Variants in CCNT1 observed in about 807,000 individuals in gnomAD.
CCNT1 encodes the protein cyclin T1.
CCNT1 carries 18 observed loss-of-function variants against 67.3 expected under a neutral mutation model. That is an observed-to-expected ratio of 0.27 (90% CI 0.18 to 0.40). The LOEUF (loss-of-function observed/expected upper bound fraction) is 0.40, where lower values mean the gene tolerates loss of function less well. Among genes scored for constraint, CCNT1 ranks in the 10% least tolerant of loss-of-function variants. The pLI, the probability that CCNT1 is intolerant of heterozygous loss-of-function variation, is 1.00. For synonymous variants in CCNT1, 333 were observed against 310.3 expected, an observed-to-expected ratio of 1.07 and a Z score of -0.77; for missense variants, 744 against 884.9, an observed-to-expected ratio of 0.84 and a Z score of 2.02.
intron 3 of CCNT1, among the ~76,000 whole-genome samples, chr12:48,701,287 G>A (rs935916512): frequency 9.6e-5 from 13 of 135,582 alleles, no homozygotes; most frequent in African/African-American, 3.6e-4. Flanking sequence ...GTGCAGTGGT[G>A]TGATCTCGAC....
At chr12:48,694,888 A>T (rs1461470337) in intron 8 of CCNT1, among the ~76,000 whole-genome samples, 1 of 152,170 alleles carries the variant, frequency 6.6e-6, no homozygotes, top group Non-Finnish European at 1.5e-5. Flanking sequence ...GCAGTGGCAC[A>T]ATCTCGGCTC....
At chr12:48,702,504 G>T (rs546193814) in intron 3 of CCNT1, among the ~76,000 whole-genome samples, 32 of 152,332 alleles carry the variant, frequency 2.1e-4, no homozygotes, top group Admixed American at 2.1e-3. Context: ...TAAAGAATGG[G>T]CCGGGTGCGG....
chr12:48,714,322 G>A (rs1940501388), intron 2 of CCNT1, 121 bp downstream of exon 2: 2 of 637,186 alleles, frequency 3.1e-6, no homozygotes, highest in East Asian at 2.9e-5. Context: ...CATAATGGAA[G>A]TGATCAACCC....
chr12:48,694,040 A>T lies in CCNT1; in HGVS notation c.1174T>A (p.Tyr392Asn). 6.2e-7 allele frequency: 1 copy of T among 1,614,162 alleles called. No homozygotes were observed. Among genetic ancestry groups the T allele is most frequent in the Non-Finnish European group, 8.5e-7 (1 of 1,180,028 alleles). ...VPSAKVSLKE[Y>N]RAKHAEELAA... Reference sequence around the variant, plus strand: ...AATTCTTCTGCATGCTTCGCGCGGTATTCTTTCAGTGACACTTTAGCTGAT... The same window carrying T: ...AATTCTTCTGCATGCTTCGCGCGGTTTTCTTTCAGTGACACTTTAGCTGAT... Residue 392 changes from tyrosine (Y) to asparagine (N), a missense_variant, in exon 9 of 9, where the codon TAC becomes AAC. This residue lies in a region of CCNT1 where 564 missense variants were observed against 574.2 expected (regional missense o/e 0.98). Coordinates refer to ENST00000261900, the MANE Select transcript of CCNT1 (RefSeq NM_001240.4).
At position 48,704,534 on chromosome 12, in the gene CCNT1, G is replaced by C. The variant is rs191231330; in HGVS notation, c.372+1234C>G. 2.6e-3 allele frequency among the ~76,000 whole-genome samples: 399 copies of C among 152,248 alleles called. 2 individuals carry two copies. Among genetic ancestry groups the C allele is most frequent in the African/African-American group, 9.0e-3 (374 of 41,538 alleles). ...CAGGAAAAGCACCTCAAGGTGGCCG[G>C]GCACAGTGGCTCATGCCTGTAATCC... On this transcript the variant is annotated intron_variant, in intron 3 of 8. Transcript: ENST00000261900.
At chr12:48,710,545 A>C (rs7964546) in intron 2 of CCNT1, among the ~76,000 whole-genome samples, 89,550 of 151,980 alleles carry the variant, frequency 0.59, 26,677 homozygotes, top group East Asian at 0.77. Context: ...ACTTTGGGAG[A>C]CTGAGGTGGG....
In CCNT1 at chr12:48,689,959, A is replaced by C. The variant is rs1252003973; in HGVS notation, c.*3074T>G. ...AATAATACTGAACTATGTAGTATAC[A>C]CTAAATCAAAACACTAAAATCATTT... On this transcript the variant is annotated 3_prime_UTR_variant, in exon 9 of 9. Coordinates refer to ENST00000261900, the MANE Select transcript of CCNT1 (RefSeq NM_001240.4). The C allele has an allele frequency of 6.6e-6, 1 of 152,264 alleles. No individual in the cohort carries two copies. Among genetic ancestry groups the C allele is most frequent in the African/African-American group, 2.4e-5 (1 of 41,474 alleles). 9.4% of individuals were successfully genotyped at this position (152,264 alleles called of 1,614,324 possible).
Position 48,694,029 on chromosome 12 carries a change from C to T in CCNT1, c.1185G>A (p.Lys395=), listed in dbSNP as rs1224783821. The T allele has an allele frequency of 6.2e-7, 1 of 1,614,088 alleles. No homozygotes were observed. The highest frequency in any genetic ancestry group is 8.5e-7 in the Non-Finnish European group (1 of 1,180,036). The change falls in exon 9 of 9, where the codon AAG becomes AAA. Residue 395 remains lysine, a synonymous_variant. Transcript: ENST00000261900. ...TCTGGGCAGCCAATTCTTCTGCATGCTTCGCGCGGTATTCTTTCAGTGACA... is the reference window on the plus strand; with the variant it reads ...TCTGGGCAGCCAATTCTTCTGCATGTTTCGCGCGGTATTCTTTCAGTGACA... ...AKVSLKEYRA[K]HAEELAAQKR...
chr12:48,700,883 C>G, intron 4 of CCNT1, 130 bp downstream of exon 4: 1 of 569,678 alleles, frequency 1.8e-6, no homozygotes, highest in East Asian at 3.0e-5. Flanking sequence ...TCTACAACCT[C>G]TATCATCTGG....
At chr12:48,705,283 TG>T (rs1940337685) in intron 3 of CCNT1, among the ~76,000 whole-genome samples, 1 of 144,654 alleles carries the variant, frequency 6.9e-6, no homozygotes, top group African/African-American at 2.5e-5. Flanking sequence ...AGTTGTTTTT[TG>T]TTGTTGTTGT....
At chr12:48,696,827 T>C (rs931054517) in intron 6 of CCNT1, among the ~76,000 whole-genome samples, 1 of 152,200 alleles carries the variant, frequency 6.6e-6, no homozygotes, top group African/African-American at 2.4e-5. Flanking sequence ...ATACAAGTTA[T>C]GTACTAATCA....
intron 2 of CCNT1, 127 bp from the exon 3 acceptor site, chr12:48,706,023 C>A: frequency 1.3e-6 from 1 of 776,786 alleles, no homozygotes; most frequent in Non-Finnish European, 2.0e-6. Flanking sequence ...CCTCTTTACC[C>A]TTTCCCGCCC....
chr12:48,710,764 TAAGA>T (rs1565621180), intron 2 of CCNT1, among the ~76,000 whole-genome samples: 2 of 152,188 alleles, frequency 1.3e-5, no homozygotes, highest in African/African-American at 4.8e-5. Flanking sequence ...GCTTAACAGA[TAAGA>T]AATAAAAAGA....
intron 3 of CCNT1, 58 bp downstream of exon 3, chr12:48,705,710 G>C (rs1303934719): frequency 1.5e-5 from 21 of 1,424,016 alleles, no homozygotes; most frequent in Non-Finnish European, 1.8e-5. Context: ...CTTGGGAGTA[G>C]GGAAAAAAAA....
chr12:48,692,953 A>G lies in CCNT1; in HGVS notation c.*80T>C. ...TCCAAGGATGACATATTTCATAAGTAATTTTCTTAGTCCAAAAAAAAAAAA... is the reference window on the plus strand; with the variant it reads ...TCCAAGGATGACATATTTCATAAGTGATTTTCTTAGTCCAAAAAAAAAAAA... On this transcript the variant is annotated 3_prime_UTR_variant, in exon 9 of 9. Coordinates refer to ENST00000261900, the MANE Select transcript of CCNT1 (RefSeq NM_001240.4). 1 of 874,234 alleles carries G rather than the reference A, an allele frequency of 1.1e-6. No homozygotes were observed. The highest frequency in any genetic ancestry group is 1.7e-6 in the Non-Finnish European group (1 of 579,558). The allele number at this position is 874,234 out of a possible 1,614,324, so 54.2% of individuals were successfully genotyped here.
At chr12:48,698,217 A>C in intron 5 of CCNT1, 34 bp from the exon 6 acceptor site, 3 of 1,383,730 alleles carry the variant, frequency 2.2e-6, no homozygotes, top group Non-Finnish European at 2.0e-6. Context: ...GGGGTGGGGG[A>C]GGAAAAAAGT....
intron 5 of CCNT1, among the ~76,000 whole-genome samples, chr12:48,698,843 C>A (rs1940221811): frequency 6.6e-6 from 1 of 151,418 alleles, no homozygotes; most frequent in African/African-American, 2.4e-5. Context: ...GTAATCCCAG[C>A]TACTCGGAAG....
intron 3 of CCNT1, among the ~76,000 whole-genome samples, chr12:48,702,088 G>A (rs1940280366): frequency 6.6e-6 from 1 of 151,918 alleles, no homozygotes; most frequent in Admixed American, 6.6e-5. Context: ...GTAGAGACGG[G>A]GTTTCACCAT....
Position 48,694,413 on chromosome 12 carries a change from T to G in CCNT1, c.801A>C (p.Thr267=), listed in dbSNP as rs1940137696. Residue 267 remains threonine (T), a synonymous_variant, in exon 9 of 9, where the codon ACA becomes ACC. Transcript: ENST00000261900. Reference sequence around the variant, plus strand: ...CATCTGTTCCTCGGTCATCTGCTTTTGTTTTCTTGGCAGCCTCGCATGCCT... The same window carrying G: ...CATCTGTTCCTCGGTCATCTGCTTTGGTTTTCTTGGCAGCCTCGCATGCCT... ...NWRACEAAKK[T]KADDRGTDEK... The G allele has an allele frequency of 6.2e-7, 1 of 1,612,290 alleles. No homozygotes were observed. The highest frequency in any genetic ancestry group is 1.7e-5 in the Admixed American group (1 of 59,974).
Sources: gnomAD v4.1 joint callset for allele counts (sites outside exome capture counted in the v4.1 genomes callset) on GRCh38, gnomAD v4.1.1 for gene constraint, gnomAD v4.1.1 regional missense constraint, MANE v1.5 for transcripts, NCBI Gene and HGNC (gene_info 2026-07-23, HGNC 2026-07-21) for gene names.